Variants in SLC24A4 observed in about 807,000 individuals in gnomAD.
SLC24A4 encodes solute carrier family 24 member 4, also known as sodium/potassium/calcium exchanger 4.
In SLC24A4, 53 loss-of-function variants were observed where a neutral mutation model predicts 79.0. That is an observed-to-expected ratio of 0.67 (90% CI 0.54 to 0.84). The LOEUF (loss-of-function observed/expected upper bound fraction) is 0.84, where lower values mean the gene tolerates loss of function less well. Ranked by LOEUF, SLC24A4 falls within the 40% of genes least tolerant of loss-of-function variation. The probability of loss-of-function intolerance (pLI) is 0.00; values close to 1 mark genes in which losing one functional copy is unlikely to be tolerated. For synonymous variants in SLC24A4, 323 were observed against 323.8 expected (o/e 1.00, Z 0.03); for missense variants, 731 against 822.0 (o/e 0.89, Z 1.35).
chr14:92,449,281 T>TACACACAC (rs36228701), intron 10 of SLC24A4, 65 bp downstream of exon 10: 2 of 868,542 alleles, frequency 2.3e-6, no homozygotes, highest in Non-Finnish European at 3.5e-6. Flanking sequence ...CTCTTTTGTG[T>TACACACAC]ACACACACAC....
intron 2 of SLC24A4, among the ~76,000 whole-genome samples, chr14:92,361,745 G>A (rs1231268698): frequency 2.6e-5 from 4 of 152,150 alleles, no homozygotes; most frequent in Admixed American, 2.6e-4. Flanking sequence ...TTTGAGTGGG[G>A]TGTTTGGGTG....
At chr14:92,454,396 A>G (rs934987340) in intron 11 of SLC24A4, among the ~76,000 whole-genome samples, 2 of 152,194 alleles carry the variant, frequency 1.3e-5, no homozygotes, top group African/African-American at 4.8e-5. Context: ...AGATGAGTTC[A>G]CACCTGTTCT....
rs1893493063 is a variant in SLC24A4, at chr14:92,456,710, A to G, written c.1255+102A>G. On this transcript the variant is annotated intron_variant, in intron 12 of 16. Transcript: ENST00000532405. The stretch of plus-strand genomic sequence containing the variant: ...GGAGGCATGGACTTGTAAGGGCGGC[A>G]GAGGGCTGGTGCAAAGGGTCGATAT... 2.5e-6 allele frequency: 3 copies of G among 1,217,172 alleles called. No individual in the cohort carries two copies. The Admixed American group carries it at 6.2e-5, about 25-fold the overall frequency. 75.4% of individuals were successfully genotyped at this position (1,217,172 alleles called of 1,614,324 possible).
At position 92,388,940 on chromosome 14, in the gene SLC24A4, G is replaced by A. The variant is rs187703893; in HGVS notation, c.242-44972G>A. On this transcript the variant is annotated intron_variant, in intron 2 of 16. Coordinates refer to ENST00000532405, the MANE Select transcript of SLC24A4 (RefSeq NM_153646.4). ...CCTAGAACCCCAGTCCAGACTTTGC[G>A]TTGAGTTTGCTCTAAAAACAAACAA... 3.7e-4 allele frequency among the ~76,000 whole-genome samples: 57 copies of A among 152,170 alleles called. No homozygotes were observed. In the East Asian group the frequency reaches 5.4e-3, roughly 14 times the overall value.
At chr14:92,471,462 G>A (rs1012072210) in intron 12 of SLC24A4, among the ~76,000 whole-genome samples, 1 of 152,162 alleles carries the variant, frequency 6.6e-6, no homozygotes, top group African/African-American at 2.4e-5. Flanking sequence ...GGAACCTACT[G>A]TCTCAAGGAA....
At chr14:92,462,476 C>G (rs936259954) in intron 12 of SLC24A4, 7 of 152,240 alleles carry the variant, frequency 4.6e-5, no homozygotes, top group Non-Finnish European at 8.8e-5. Flanking sequence ...CCGCTGACTG[C>G]AACCTCCGCT....
intron 9 of SLC24A4, 128 bp from the exon 10 acceptor site, chr14:92,448,946 A>T: frequency 8.8e-7 from 1 of 1,131,370 alleles, no homozygotes; most frequent in Non-Finnish European, 1.3e-6. Context: ...GAGGCTCCAC[A>T]CCTCCCCTGC....
At chr14:92,387,706 C>G (rs1194846737) in intron 2 of SLC24A4, among the ~76,000 whole-genome samples, 1 of 152,246 alleles carries the variant, frequency 6.6e-6, no homozygotes, top group Non-Finnish European at 1.5e-5. Context: ...TGAGCACTAA[C>G]TCCACATTCC....
At position 92,484,106 on chromosome 14, in the gene SLC24A4, G is replaced by C. The variant is rs1895227655; in HGVS notation, c.1422+1260G>C. On this transcript the variant is annotated intron_variant, in intron 13 of 16. Transcript: ENST00000532405. ...TACAAGGCCATTGGGAGAATGAAAA[G>C]AGAGCCCAGCACATTCTAGGCACTT... 2.0e-6 allele frequency: 2 copies of C among 985,288 alleles called. 1 individual carries two copies. Among genetic ancestry groups the C allele is most frequent in the South Asian group, 9.4e-5 (2 of 21,288 alleles). 61.0% of individuals were successfully genotyped at this position (985,288 alleles called of 1,614,324 possible). A position where few individuals can be genotyped will look rare whatever the true frequency, so the allele number is the denominator to read the frequency against.
chr14:92,327,026 T>G (rs1885183222), intron 2 of SLC24A4, among the ~76,000 whole-genome samples: 1 of 152,134 alleles, frequency 6.6e-6, no homozygotes, highest in Non-Finnish European at 1.5e-5. Context: ...GCAAGTCTCT[T>G]CCCCATTTTA....
chr14:92,343,743 C>T (rs946126986), intron 2 of SLC24A4, among the ~76,000 whole-genome samples: 1 of 148,520 alleles, frequency 6.7e-6, no homozygotes, highest in South Asian at 2.1e-4. Context: ...CACTCTGTCA[C>T]CCAGACTGGA....
chr14:92,353,759 C>T lies in SLC24A4; in HGVS notation c.241+27781C>T, dbSNP rs533719294. Among the ~76,000 whole-genome samples, 99 of 152,124 alleles carry T rather than the reference C, an allele frequency of 6.5e-4. No homozygotes were observed. The highest frequency in any genetic ancestry group is 4.6e-4 in the Admixed American group (7 of 15,272). On this transcript the variant is annotated intron_variant, in intron 2 of 16. Coordinates refer to ENST00000532405, the MANE Select transcript of SLC24A4 (RefSeq NM_153646.4). The surrounding 1 kb of genome is among the most constrained non-coding windows in gnomAD (Gnocchi z 4.1). ...GCTGTGTTGTCAGAAAAGGGATTGT[C>T]GTGGTCAGGTTCCCCAGAGATAAAT...
At chr14:92,384,600 C>T (rs1202402136) in intron 2 of SLC24A4, among the ~76,000 whole-genome samples, 3 of 152,002 alleles carry the variant, frequency 2.0e-5, no homozygotes, top group Admixed American at 6.5e-5. Flanking sequence ...TAGGAAAAGG[C>T]GGCAAGTTCA....
intron 2 of SLC24A4, among the ~76,000 whole-genome samples, chr14:92,418,325 G>A (rs1891092141): frequency 6.6e-6 from 1 of 152,196 alleles, no homozygotes; most frequent in South Asian, 2.1e-4. Context: ...TCGTCCTGCT[G>A]CCAGGCTGGC....
chr14:92,392,307 C>CA (rs1190610569), intron 2 of SLC24A4, among the ~76,000 whole-genome samples: 7 of 151,536 alleles, frequency 4.6e-5, no homozygotes, highest in Non-Finnish European at 1.0e-4. Flanking sequence ...AAGACGATAG[C>CA]AAAAAATGTG....
At chr14:92,357,365 A>G (rs1887238418) in intron 2 of SLC24A4, among the ~76,000 whole-genome samples, 1 of 152,242 alleles carries the variant, frequency 6.6e-6, no homozygotes, top group Non-Finnish European at 1.5e-5. Context: ...TATATGTTGC[A>G]TTTTGGGACT....
rs534557968 is a variant in SLC24A4, at chr14:92,431,747, C to G, written c.242-2165C>G. On this transcript the variant is annotated intron_variant, in intron 2 of 16. Transcript: ENST00000532405. ...GTGCAAAGCAAGGCGTGAGGCTGAA[C>G]AAGTAGAAGTAGCAGCAAATTGCCA... 1.8e-4 allele frequency among the ~76,000 whole-genome samples: 28 copies of G among 152,228 alleles called. No individual in the cohort carries two copies. The East Asian group carries it at 5.2e-3, about 29-fold the overall frequency.
At chr14:92,477,438 A>G (rs984112310) in intron 12 of SLC24A4, among the ~76,000 whole-genome samples, 2 of 152,234 alleles carry the variant, frequency 1.3e-5, no homozygotes, top group South Asian at 2.1e-4. Context: ...TTCATGGTCT[A>G]TCTTTTCCTT....
Position 92,499,266 on chromosome 14 carries a change from A to G in SLC24A4, c.*5638A>G, listed in dbSNP as rs374358317. The G allele has an allele frequency of 3.3e-5, 5 of 152,224 alleles. No individual in the cohort carries two copies. The highest frequency in any genetic ancestry group is 7.3e-5 in the Non-Finnish European group (5 of 68,048). The allele number at this position is 152,224 out of a possible 1,614,324, so 9.4% of individuals were successfully genotyped here. A position where few individuals can be genotyped will look rare whatever the true frequency, so the allele number is the denominator to read the frequency against. On this transcript the variant is annotated 3_prime_UTR_variant, in exon 17 of 17. Transcript: ENST00000532405. ...CCTCCTGCTTCTAAACAGGGCTGAC[A>G]GTATACTCTCGTCTAGTCTAGGAAC... is the stretch of plus-strand genomic sequence containing the variant.
Sources: gnomAD v4.1 joint callset for allele counts (sites outside exome capture counted in the v4.1 genomes callset) on GRCh38, gnomAD v4.1.1 for gene constraint, Gnocchi (gnomAD v3.1) non-coding constraint, MANE v1.5 for transcripts, NCBI Gene and HGNC (gene_info 2026-07-23, HGNC 2026-07-21) for gene names.